Variants in TMC6 observed in about 807,000 individuals in gnomAD.
TMC6 encodes transmembrane channel like 6.
Under a neutral mutation model 95.4 loss-of-function variants are expected in TMC6, and 71 were observed. The observed-to-expected ratio is 0.74, with a 90% CI of 0.61 to 0.91. The LOEUF (loss-of-function observed/expected upper bound fraction) is 0.91, where lower values mean the gene tolerates loss of function less well. Among genes scored for constraint, TMC6 ranks in the 40% least tolerant of loss-of-function variants. TMC6 has a pLI of 0.00. For synonymous variants in TMC6, 514 were observed against 483.1 expected (o/e 1.06, Z -0.84); for missense variants, 1,074 against 1,079.1 (o/e 1.00, Z 0.07).
At chr17:78,130,190 T>C (rs2074925063), upstream of TMC6, among the ~76,000 whole-genome samples, 1 of 152,110 alleles carries the variant, frequency 6.6e-6, no homozygotes, top group Admixed American at 6.5e-5. Flanking sequence ...ACCGGCCAGG[T>C]GCTAGGCCTG....
At position 78,122,524 on chromosome 17, in the gene TMC6, T is replaced by C; in HGVS notation, c.1227+81A>G. On this transcript the variant is annotated intron_variant, in intron 10 of 19. Transcript: ENST00000590602. This position sits in a 1 kb window ranked among gnomAD's most constrained non-coding sequence, Gnocchi z 4.9. ...TGGCCCTCCCTCTAGACCATGGTTCTGGTCACATGGTCCTAAGTGGACCCA... is the reference window on the plus strand; with the variant it reads ...TGGCCCTCCCTCTAGACCATGGTTCCGGTCACATGGTCCTAAGTGGACCCA... 6.3e-7 allele frequency: 1 copy of C among 1,580,414 alleles called. No homozygotes were observed. The highest frequency in any genetic ancestry group is 8.6e-7 in the Non-Finnish European group (1 of 1,167,852).
intron 9 of TMC6, chr17:78,123,029 A>G: frequency 1.8e-6 from 1 of 546,084 alleles, no homozygotes; most frequent in Admixed American, 3.0e-5. Context: ...ATGGACCAGA[A>G]GATGCTGGGC....
Position 78,124,780 on chromosome 17 carries a change from G to A in TMC6, c.635C>T (p.Ala212Val), listed in dbSNP as rs548352171. ...CGRLRYACVL[A>V]LHSLGLALLS... is the part of the protein sequence containing the mutation. The stretch of plus-strand genomic sequence containing the variant: ...CAGCGCCAGGCCCAGGCTGTGCAAG[G>A]CCTGCGGGCACAGGCAGAGAGGCCC... The change falls in exon 8 of 20, where the codon GCC (alanine) becomes GTC (valine). Residue 212 changes from alanine to valine, a missense_variant and splice_region_variant. Coordinates refer to ENST00000590602, the MANE Select transcript of TMC6 (RefSeq NM_001127198.5). The A allele has an allele frequency of 1.4e-5, 22 of 1,581,312 alleles. No individual in the cohort carries two copies. The Admixed American group carries it at 3.7e-4, about 26-fold the overall frequency.
In TMC6 at chr17:78,118,986, G is replaced by T; in HGVS notation, c.1872C>A (p.Val624=). 1 of 1,604,804 alleles carries T rather than the reference G, an allele frequency of 6.2e-7. No homozygotes were observed. The highest frequency in any genetic ancestry group is 8.5e-7 in the Non-Finnish European group (1 of 1,176,008). ...GCAGCCTCACCTTCTTGACATAGAA[G>T]ACGAGCAGCAGCTTGATGATCTGCA... is the stretch of plus-strand genomic sequence containing the variant. ...PAVQIIKLLL[V]FYVKKTSLLA... The change falls in exon 15 of 20, where the codon GTC becomes GTA. Residue 624 remains valine, a synonymous_variant. Transcript: ENST00000590602.
At chr17:78,115,675 C>CAG (rs1286570803) in intron 18 of TMC6, among the ~76,000 whole-genome samples, 1 of 115,326 alleles carries the variant, frequency 8.7e-6, no homozygotes, top group Admixed American at 8.6e-5. Flanking sequence ...AGGGAGTGGG[C>CAG]ACAGGGGCGA....
At chr17:78,123,729 T>C (rs927151820) in intron 9 of TMC6, among the ~76,000 whole-genome samples, 3 of 123,148 alleles carry the variant, frequency 2.4e-5, no homozygotes, top group Non-Finnish European at 3.3e-5. Context: ...GATAGGTAGG[T>C]GGATGGCTGA....
At chr17:78,115,681 G>GACCAGCTGCC (rs1360471906) in intron 18 of TMC6, among the ~76,000 whole-genome samples, 1 of 83,334 alleles carries the variant, frequency 1.2e-5, no homozygotes, top group African/African-American at 5.3e-5. Flanking sequence ...TGGGCACAGG[G>GACCAGCTGCC]GCGAAGGGAG....
intron 5 of TMC6, among the ~76,000 whole-genome samples, 186 bp downstream of exon 5, chr17:78,125,540 A>AC (rs548551701): frequency 6.6e-6 from 1 of 151,902 alleles, no homozygotes; most frequent in African/African-American, 2.4e-5. Context: ...GTGAGGTAAG[A>AC]CCCCCACTTC....
intron 18 of TMC6, among the ~76,000 whole-genome samples, chr17:78,114,806 CG>C (rs1567981287): frequency 6.6e-6 from 1 of 152,174 alleles, no homozygotes; most frequent in Admixed American, 6.5e-5. Context: ...CCGACCTGCA[CG>C]GGGAAAACTC....
chr17:78,115,682 G>A (rs1460598940), intron 18 of TMC6, among the ~76,000 whole-genome samples: 1 of 102,862 alleles, frequency 9.7e-6, no homozygotes, highest in Non-Finnish European at 1.9e-5. Context: ...GGGCACAGGG[G>A]CGAAGGGAGT....
chr17:78,126,986 A>C, intron 1 of TMC6, 80 bp from the exon 2 acceptor site: 10 of 875,362 alleles, frequency 1.1e-5, no homozygotes, highest in Non-Finnish European at 1.8e-5. Context: ...TGGGGGAACC[A>C]CAGGAGGTGC....
At chr17:78,131,851 C>T (rs1189116030), upstream of TMC6, 1 of 1,469,268 alleles carries the variant, frequency 6.8e-7, no homozygotes, top group East Asian at 2.5e-5. Flanking sequence ...GCGGGTGACT[C>T]AGGGGCGCCC....
chr17:78,132,282 G>A, upstream of TMC6: 1 of 1,564,336 alleles, frequency 6.4e-7, no homozygotes, highest in East Asian at 2.3e-5. Flanking sequence ...GCCGTCCGGT[G>A]GGCCCGCCCT....
intron 7 of TMC6, 22 bp from the exon 8 acceptor site, chr17:78,124,803 C>A (rs2074613522): frequency 1.3e-6 from 2 of 1,578,932 alleles, no homozygotes; most frequent in Non-Finnish European, 1.7e-6. Context: ...GGCAGAGAGG[C>A]CCTGAGGGTG....
In TMC6 at chr17:78,110,596, T is replaced by C. The variant is rs2073806072; in HGVS notation, c.*2552A>G. The C allele has an allele frequency of 6.6e-6, 1 of 152,362 alleles. No homozygotes were observed. The highest frequency in any genetic ancestry group is 2.1e-4 in the South Asian group (1 of 4,828). 9.4% of individuals were successfully genotyped at this position (152,362 alleles called of 1,614,324 possible). A position where few individuals can be genotyped will look rare whatever the true frequency, so the allele number is the denominator to read the frequency against. ...GTGTTTTTAAAACCTCCCTGGTAGA[T>C]TCCGTTGTGCAGCCCAGGCCGAGAA... On this transcript the variant is annotated 3_prime_UTR_variant, in exon 20 of 20. Coordinates refer to ENST00000590602, the MANE Select transcript of TMC6 (RefSeq NM_001127198.5).
upstream of TMC6, chr17:78,131,930 G>C (rs1228814530): frequency 6.0e-6 from 9 of 1,502,502 alleles, no homozygotes; most frequent in Non-Finnish European, 8.0e-6. Context: ...GGCAGCGGTG[G>C]CAGCGCCGGC....
intron 18 of TMC6, among the ~76,000 whole-genome samples, chr17:78,114,799 A>G (rs1329361302): frequency 2.0e-5 from 3 of 152,178 alleles, no homozygotes; most frequent in Non-Finnish European, 4.4e-5. Flanking sequence ...AGCCATGCCG[A>G]CCTGCACGGG....
upstream of TMC6, chr17:78,130,756 T>C: frequency 6.6e-6 from 1 of 152,308 alleles, no homozygotes; most frequent in South Asian, 2.1e-4. Flanking sequence ...TCCTGTCATA[T>C]GACCCCTCCT....
At chr17:78,131,404 G>A (rs1022233902), upstream of TMC6, 4 of 779,040 alleles carry the variant, frequency 5.1e-6, no homozygotes, top group Non-Finnish European at 6.1e-6. Flanking sequence ...CGGCAGACCC[G>A]GGCAAGTGAA....
Sources: allele counts gnomAD v4.1 joint callset (sites outside exome capture counted in the v4.1 genomes callset), GRCh38; gene constraint gnomAD v4.1.1; non-coding constraint Gnocchi (gnomAD v3.1); transcripts MANE v1.5; gene names NCBI Gene and HGNC (gene_info 2026-07-23, HGNC 2026-07-21).